CA10: variants seen among roughly 807,000 people sequenced by gnomAD.
CA10 encodes the protein carbonic anhydrase-related protein 10.
A neutral mutation model predicts 44.2 loss-of-function variants in CA10; 14 were observed. The ratio of observed to expected loss-of-function variants is 0.32; its 90% CI spans 0.21 to 0.50. The LOEUF (loss-of-function observed/expected upper bound fraction) is 0.50, where lower values mean the gene tolerates loss of function less well. CA10 is among the 20% of genes least tolerant of loss of function. The pLI, the probability that CA10 is intolerant of heterozygous loss-of-function variation, is 0.99. For synonymous variants in CA10, 159 were observed against 141.6 expected (o/e 1.12, Z -0.87); for missense variants, 350 against 409.7 (o/e 0.85, Z 1.26).
chr17:51,960,822 G>C (rs903236958), intron 2 of CA10, among the ~76,000 whole-genome samples: 6 of 152,154 alleles, frequency 3.9e-5, no homozygotes, highest in African/African-American at 1.4e-4. Context: ...TCTGAACTAA[G>C]TGAAAATGAA....
chr17:51,712,790 C>T (rs1025711252), intron 4 of CA10, among the ~76,000 whole-genome samples: 1 of 152,202 alleles, frequency 6.6e-6, no homozygotes, highest in African/African-American at 2.4e-5. Flanking sequence ...TCTCTACGCA[C>T]AACACTTACT....
At chr17:52,013,868 G>A (rs1487090018) in intron 2 of CA10, among the ~76,000 whole-genome samples, 1 of 151,924 alleles carries the variant, frequency 6.6e-6, no homozygotes, top group Non-Finnish European at 1.5e-5. Flanking sequence ...CATAGCCATA[G>A]TTTCCCCATT....
At chr17:51,964,331 C>CA (rs1598143077) in intron 2 of CA10, among the ~76,000 whole-genome samples, 2 of 151,986 alleles carry the variant, frequency 1.3e-5, no homozygotes, top group African/African-American at 2.4e-5. Flanking sequence ...TTCAGTACCC[C>CA]AATGACAGCA....
chr17:51,863,456 T>G (rs1360707454), intron 3 of CA10, among the ~76,000 whole-genome samples: 1 of 152,210 alleles, frequency 6.6e-6, no homozygotes, highest in Non-Finnish European at 1.5e-5. Flanking sequence ...GCCTTACCAT[T>G]GCTGGGTGAA....
chr17:51,994,293 G>T (rs1985150317), intron 2 of CA10, among the ~76,000 whole-genome samples: 1 of 151,914 alleles, frequency 6.6e-6, no homozygotes, highest in Non-Finnish European at 1.5e-5. Context: ...TTGTTGAATT[G>T]TTTCCTTAGA....
intron 4 of CA10, among the ~76,000 whole-genome samples, chr17:51,692,366 CCTATCTATCTATCTAT>C (rs71728413): frequency 0.032 from 4,486 of 141,222 alleles, 142 homozygotes; most frequent in East Asian, 0.097. Flanking sequence ...ACCTATCCAT[CCTATCTATCTATCTAT>C]CTATCTATCT....
chr17:52,116,570 A>G (rs985852798), intron 1 of CA10, among the ~76,000 whole-genome samples: 3 of 152,286 alleles, frequency 2.0e-5, no homozygotes, highest in South Asian at 4.1e-4. Context: ...TCGGGAATAA[A>G]AAGATGGAAG....
In CA10 at chr17:51,867,276, G is replaced by C. The variant is rs186927232; in HGVS notation, c.279+63714C>G. ...ACTCGTGGCATATTGAAAGGAAAAA[G>C]CATGATTTTCAAGGAAATGAGATTC... On this transcript the variant is annotated intron_variant, in intron 3 of 8. Coordinates refer to ENST00000451037, the MANE Select transcript of CA10 (RefSeq NM_020178.5). Among the ~76,000 whole-genome samples the C allele has an allele frequency of 7.9e-5, 12 of 152,246 alleles. No individual in the cohort carries two copies. The East Asian group carries it at 9.7e-4, about 12-fold the overall frequency.
At position 51,744,946 on chromosome 17, in the gene CA10, T is replaced by C. The variant is rs1329049630; in HGVS notation, c.465+2687A>G. On this transcript the variant is annotated intron_variant, in intron 4 of 8. Transcript: ENST00000451037. ...CCAGTTCGTCTATAGACCCCTGACA[T>C]TGAGAGGCTTGGAAAGAAATGTGAT... Among the ~76,000 whole-genome samples the C allele has an allele frequency of 2.0e-5, 3 of 152,166 alleles. No homozygotes were observed. The East Asian group carries it at 5.8e-4, about 29-fold the overall frequency.
At chr17:51,850,942 T>C (rs1278553302) in intron 3 of CA10, among the ~76,000 whole-genome samples, 1 of 152,172 alleles carries the variant, frequency 6.6e-6, no homozygotes, top group East Asian at 1.9e-4. Context: ...ATGGAGATCC[T>C]TTGGGAATTC....
intron 1 of CA10, among the ~76,000 whole-genome samples, chr17:52,153,037 T>C (rs2143416913): frequency 6.6e-6 from 1 of 152,264 alleles, no homozygotes; most frequent in South Asian, 2.1e-4. Context: ...GTCCCAAGTA[T>C]GTAATGCTTA....
chr17:52,027,184 G>A (rs191066843), intron 2 of CA10, among the ~76,000 whole-genome samples: 1 of 152,118 alleles, frequency 6.6e-6, no homozygotes, highest in African/African-American at 2.4e-5. Flanking sequence ...TCACAATAGG[G>A]TTTGACCTCC....
chr17:52,097,023 C>T (rs1271065486), intron 1 of CA10, among the ~76,000 whole-genome samples: 2 of 152,124 alleles, frequency 1.3e-5, no homozygotes, highest in Non-Finnish European at 2.9e-5. Context: ...TGGATCCACC[C>T]CACTTCTGCC....
intron 3 of CA10, among the ~76,000 whole-genome samples, chr17:51,911,552 G>A (rs1981790770): frequency 6.6e-6 from 1 of 152,138 alleles, no homozygotes; most frequent in African/African-American, 2.4e-5. Context: ...ATGAAACACT[G>A]AGTTGAGACT....
intron 2 of CA10, among the ~76,000 whole-genome samples, chr17:52,041,514 A>G (rs952100127): frequency 1.3e-5 from 2 of 152,134 alleles, no homozygotes; most frequent in African/African-American, 4.8e-5. Flanking sequence ...ACAGGTGTAC[A>G]TTGTGAAATG....
At chr17:52,087,634 G>A (rs1478266913) in intron 1 of CA10, among the ~76,000 whole-genome samples, 1 of 152,176 alleles carries the variant, frequency 6.6e-6, no homozygotes, top group Non-Finnish European at 1.5e-5. Context: ...GAGAATAGCT[G>A]CCGGAATGAG....
At chr17:52,148,147 G>T (rs888846651) in intron 1 of CA10, among the ~76,000 whole-genome samples, 4 of 152,180 alleles carry the variant, frequency 2.6e-5, no homozygotes, top group Non-Finnish European at 5.9e-5. Context: ...GTAATTTCCT[G>T]TATTGCTCTG....
chr17:52,050,400 A>G (rs189428322), intron 2 of CA10, among the ~76,000 whole-genome samples: 28 of 152,158 alleles, frequency 1.8e-4, no homozygotes, highest in Non-Finnish European at 3.8e-4. Context: ...ATCGACATCT[A>G]AGCAGTTTCT....
chr17:51,969,296 C>G (rs749614369), intron 2 of CA10, among the ~76,000 whole-genome samples: 1 of 151,948 alleles, frequency 6.6e-6, no homozygotes, highest in Non-Finnish European at 1.5e-5. Context: ...CCACCACATT[C>G]CAGGTAAAAT....
Sources: gnomAD v4.1 joint callset for allele counts (sites outside exome capture counted in the v4.1 genomes callset) on GRCh38, gnomAD v4.1.1 for gene constraint, MANE v1.5 for transcripts, NCBI Gene and HGNC (gene_info 2026-07-23, HGNC 2026-07-21) for gene names.